Variants in NEK5 observed in about 807,000 individuals in gnomAD.
NEK5 encodes serine/threonine-protein kinase Nek5.
NEK5 carries 88 observed loss-of-function variants against 109.2 expected under a neutral mutation model. The observed-to-expected ratio is 0.81, with a 90% CI of 0.68 to 0.96. The LOEUF is 0.96. Among genes scored for constraint, NEK5 ranks in the 40% least tolerant of loss-of-function variants. The probability of loss-of-function intolerance (pLI) is 0.00; values close to 1 mark genes in which losing one functional copy is unlikely to be tolerated. For synonymous variants in NEK5, 283 were observed against 299.9 expected, an observed-to-expected ratio of 0.94 and a Z score of 0.58; for missense variants, 834 against 920.7, an observed-to-expected ratio of 0.91 and a Z score of 1.22.
At chr13:52,091,515 TTC>T (rs1471997059) in intron 13 of NEK5, among the ~76,000 whole-genome samples, 1 of 152,262 alleles carries the variant, frequency 6.6e-6, no homozygotes. Context: ...GAAGAAATTA[TTC>T]TCTTATCATT....
chr13:52,091,618 A>G (rs1028883407), intron 13 of NEK5, among the ~76,000 whole-genome samples: 5 of 152,324 alleles, frequency 3.3e-5, no homozygotes, highest in African/African-American at 1.2e-4. Flanking sequence ...ACAATAAACA[A>G]TCAGAGTCGC....
chr13:52,068,815 T>C (rs1318994818), intron 20 of NEK5, among the ~76,000 whole-genome samples: 1 of 151,768 alleles, frequency 6.6e-6, no homozygotes. Context: ...ACTAAAAATA[T>C]TTTAAAAATC....
chr13:52,043,305 G>C (rs1046753922), intron 23 of NEK5, among the ~76,000 whole-genome samples: 6 of 152,034 alleles, frequency 3.9e-5, no homozygotes, highest in Non-Finnish European at 7.4e-5. Flanking sequence ...TTGGGAGGCT[G>C]AGGTGGGTGA....
intron 22 of NEK5, among the ~76,000 whole-genome samples, chr13:52,058,926 T>C (rs1305455879): frequency 1.0e-4 from 15 of 149,106 alleles, no homozygotes; most frequent in African/African-American, 3.2e-4. Flanking sequence ...CCAAAAGCAA[T>C]GGCAACAAAA....
chr13:52,122,273 T>A (rs374670892), intron 3 of NEK5, among the ~76,000 whole-genome samples: 3 of 152,294 alleles, frequency 2.0e-5, no homozygotes, highest in African/African-American at 7.2e-5. Context: ...TTTTAAGTGG[T>A]TGTGAAGATT....
At position 52,112,306 on chromosome 13, in the gene NEK5, T is replaced by A; in HGVS notation, c.274A>T (p.Ile92Phe). ...YCDGGDLMKR[I>F]NRQRGVLFSE... The stretch of plus-strand genomic sequence containing the variant: ...AATAACACACCCCGTTGTCTATTGA[T>A]CCTTTTCATGAGATCCCCTCCATCA... The change falls in exon 5 of 24, where the codon ATC becomes TTC. Residue 92 changes from isoleucine to phenylalanine, a missense_variant. By Grantham distance (21) the Ile-to-Phe change is conservative (BLOSUM62 0). Around this residue, in one of 2 missense-constraint regions of NEK5, gnomAD observed 777 missense variants for 824.7 expected, o/e 0.94. Coordinates refer to ENST00000684899, the MANE Select transcript of NEK5 (RefSeq NM_001365552.1). 1 of 1,611,742 alleles carries A rather than the reference T, an allele frequency of 6.2e-7. No homozygotes were observed. Among genetic ancestry groups the A allele is most frequent in the Non-Finnish European group, 8.5e-7 (1 of 1,177,992 alleles).
rs1435401065 is a variant in NEK5 at position 52,093,083 on chromosome 13, T to C, written c.1179A>G (p.Glu393=). The change falls in exon 13 of 24, where the codon GAA becomes GAG. Residue 393 remains glutamate (E), a synonymous_variant. Transcript: ENST00000684899. ...GACTTGGGGATGGACCATGCCTCGT[T>C]TCCTGACCGTAATCCTCAACTCCAG... ...ENTGVEDYGQ[E]TRHGPSPSQW... 1.2e-6 allele frequency: 2 copies of C among 1,613,638 alleles called. No homozygotes were observed. The highest frequency in any genetic ancestry group is 2.2e-5 in the South Asian group (2 of 91,016).
intron 3 of NEK5, among the ~76,000 whole-genome samples, chr13:52,124,589 T>C (rs1409694345): frequency 1.3e-5 from 2 of 152,210 alleles, no homozygotes; most frequent in Non-Finnish European, 2.9e-5. Context: ...GGTTTTTCTT[T>C]GAATAAACTC....
chr13:52,123,760 T>C (rs1956014273), intron 3 of NEK5, among the ~76,000 whole-genome samples: 1 of 151,662 alleles, frequency 6.6e-6, no homozygotes, highest in African/African-American at 2.4e-5. Flanking sequence ...GAGGTTCCAA[T>C]AAAAGTTATG....
chr13:52,087,415 T>G lies in NEK5; in HGVS notation c.1315A>C (p.Arg439=). 1.2e-6 allele frequency: 2 copies of G among 1,611,808 alleles called. No homozygotes were observed. Among genetic ancestry groups the G allele is most frequent in the Non-Finnish European group, 1.7e-6 (2 of 1,178,286 alleles). ...PSSAEPNYNQ[R]QELRSNGEEP... is the part of the protein sequence containing the mutation. ...TCTCCATTACTTCTTAGCTCTTGTCTCTGGTTGTAATTTGGCTCGGCAGAA... is the reference window on the plus strand; with the variant it reads ...TCTCCATTACTTCTTAGCTCTTGTCGCTGGTTGTAATTTGGCTCGGCAGAA... The change falls in exon 15 of 24, where the codon AGA becomes CGA. Residue 439 remains arginine, a synonymous_variant. Transcript: ENST00000684899.
intron 12 of NEK5, among the ~76,000 whole-genome samples, chr13:52,096,966 C>T (rs558897340): frequency 6.6e-6 from 1 of 152,268 alleles, no homozygotes; most frequent in African/African-American, 2.4e-5. Flanking sequence ...GACATGGTGT[C>T]CTGTATTGTG....
At chr13:52,041,726 C>A (rs113763929) in intron 23 of NEK5, among the ~76,000 whole-genome samples, 17 of 25,080 alleles carry the variant, frequency 6.8e-4, no homozygotes, top group South Asian at 2.1e-3. Flanking sequence ...GAAACTCTGT[C>A]TCAAAAAAAA....
In NEK5 at chr13:52,057,088, A is replaced by C. The variant is rs568555742; in HGVS notation, c.2110+4731T>G. Among the ~76,000 whole-genome samples the C allele has an allele frequency of 1.9e-3, 282 of 152,138 alleles. 1 individual carries two copies. The highest frequency in any genetic ancestry group is 0.01 in the Middle Eastern group (3 of 294). On this transcript the variant is annotated intron_variant, in intron 22 of 23. Transcript: ENST00000684899. ...AGAAAAAAAGAGAGAAGAATCAAAT[A>C]GATGCAATAAAAAATGATAAAGGGG... is the stretch of plus-strand genomic sequence containing the variant.
intron 17 of NEK5, among the ~76,000 whole-genome samples, chr13:52,078,073 CAA>C (rs749297441): frequency 3.0e-4 from 34 of 112,864 alleles, no homozygotes; most frequent in Admixed American, 3.8e-4. Flanking sequence ...AAACTTGTCT[CAA>C]AAAAAAAAAA....
intron 23 of NEK5, among the ~76,000 whole-genome samples, chr13:52,045,916 C>T (rs1157886116): frequency 6.0e-5 from 9 of 149,216 alleles, no homozygotes; most frequent in Non-Finnish European, 1.2e-4. Context: ...ACTAAAAATA[C>T]AAAAATTAGC....
chr13:52,058,157 AACAG>A (rs1954578863), intron 22 of NEK5, among the ~76,000 whole-genome samples: 1 of 136,812 alleles, frequency 7.3e-6, no homozygotes, highest in African/African-American at 2.7e-5. Context: ...ATACACCAAC[AACAG>A]ACAAACAGAG....
intron 23 of NEK5, among the ~76,000 whole-genome samples, chr13:52,047,545 C>A (rs1954470196): frequency 6.6e-6 from 1 of 152,134 alleles, no homozygotes; most frequent in Admixed American, 6.6e-5. Flanking sequence ...AATCATGGGC[C>A]AAGTGCAGTG....
At position 52,036,153 on chromosome 13, in the gene NEK5, T is replaced by TA. The variant is rs1418385567; in HGVS notation, c.*794dup. On this transcript the variant is annotated 3_prime_UTR_variant, in exon 24 of 24. Transcript: ENST00000684899. Reference sequence around the variant, plus strand: ...AGATTCCAGAGGCTGTCTGAATTCTTAGTTTGTGGCCTTGTCCAACATCTT... The same window carrying TA: ...AGATTCCAGAGGCTGTCTGAATTCTTAAGTTTGTGGCCTTGTCCAACATCTT... 6.6e-6 allele frequency: 1 copy of TA among 152,208 alleles called. No homozygotes were observed. The highest frequency in any genetic ancestry group is 1.5e-5 in the Non-Finnish European group (1 of 68,054). 9.4% of individuals were successfully genotyped at this position (152,208 alleles called of 1,614,324 possible).
intron 4 of NEK5, among the ~76,000 whole-genome samples, chr13:52,114,879 T>C (rs962519200): frequency 5.9e-5 from 9 of 152,174 alleles, no homozygotes; most frequent in South Asian, 2.1e-4. Flanking sequence ...TTCAAAACCA[T>C]GGAAGAATCA....
Sources: gnomAD v4.1 joint callset for allele counts (sites outside exome capture counted in the v4.1 genomes callset) on GRCh38, gnomAD v4.1.1 for gene constraint, gnomAD v4.1.1 regional missense constraint, MANE v1.5 for transcripts, NCBI Gene and HGNC (gene_info 2026-07-23, HGNC 2026-07-21) for gene names.